The following PDGFD variants were observed in gnomAD, a reference collection of about 807,000 sequenced individuals.
PDGFD encodes the protein platelet derived growth factor D, also known as platelet-derived growth factor D.
In PDGFD, 30 loss-of-function variants were observed where a neutral mutation model predicts 44.7. That is an observed-to-expected ratio of 0.67 (90% CI 0.50 to 0.91). The LOEUF (loss-of-function observed/expected upper bound fraction) is 0.91, where lower values mean the gene tolerates loss of function less well. Ranked by LOEUF, PDGFD falls within the 40% of genes least tolerant of loss-of-function variation. The probability of loss-of-function intolerance (pLI) is 0.00; values close to 1 mark genes in which losing one functional copy is unlikely to be tolerated. For synonymous variants in PDGFD, 173 were observed against 168.4 expected, an observed-to-expected ratio of 1.03 and a Z score of -0.21; for missense variants, 445 against 457.8, an observed-to-expected ratio of 0.97 and a Z score of 0.25.
intron 1 of PDGFD, among the ~76,000 whole-genome samples, chr11:104,011,255 G>A (rs1859782262): frequency 6.6e-6 from 1 of 151,882 alleles, no homozygotes; most frequent in Admixed American, 6.6e-5. Flanking sequence ...CTGACTAAAG[G>A]GCTCACAAAT....
chr11:104,078,081 A>G (rs933920352), intron 1 of PDGFD, among the ~76,000 whole-genome samples: 5 of 152,020 alleles, frequency 3.3e-5, no homozygotes, highest in African/African-American at 1.2e-4. Context: ...GCCACTGTGC[A>G]CCTCAGACCT....
chr11:103,942,614 G>A (rs555936951), intron 5 of PDGFD, among the ~76,000 whole-genome samples: 5 of 151,798 alleles, frequency 3.3e-5, no homozygotes, highest in South Asian at 2.1e-4. Flanking sequence ...TTTATATCTC[G>A]AGCACATAAA....
intron 6 of PDGFD, among the ~76,000 whole-genome samples, chr11:103,920,072 C>G (rs1206370849): frequency 6.6e-6 from 1 of 152,116 alleles, no homozygotes; most frequent in Non-Finnish European, 1.5e-5. Flanking sequence ...GGCATTGTAA[C>G]AGAAGGACTG....
At chr11:104,070,664 A>AT (rs1249297798) in intron 1 of PDGFD, among the ~76,000 whole-genome samples, 1 of 151,756 alleles carries the variant, frequency 6.6e-6, no homozygotes, top group Non-Finnish European at 1.5e-5. Context: ...TTGCACCTTC[A>AT]TTTTTTTTAG....
At position 104,028,092 on chromosome 11, in the gene PDGFD, A is replaced by T. The variant is rs1205251044; in HGVS notation, c.125-27837T>A. Among the ~76,000 whole-genome samples, 3 of 150,614 alleles carry T rather than the reference A, an allele frequency of 2.0e-5. No homozygotes were observed. In the Admixed American group the frequency reaches 2.0e-4, roughly 10 times the overall value. On this transcript the variant is annotated intron_variant, in intron 1 of 6. Transcript: ENST00000393158. ...GTAGTCCCAGCTACTCTGGAGACTG[A>T]GGCAGGAGAATGGCGTGAACCTGGG...
intron 1 of PDGFD, among the ~76,000 whole-genome samples, chr11:104,060,942 A>G (rs1361555929): frequency 6.6e-6 from 1 of 152,164 alleles, no homozygotes; most frequent in African/African-American, 2.4e-5. Context: ...ATCATCACCA[A>G]CTATTTCTAA....
intron 1 of PDGFD, among the ~76,000 whole-genome samples, chr11:104,080,517 G>A (rs1416754943): frequency 1.3e-5 from 2 of 152,186 alleles, no homozygotes; most frequent in East Asian, 3.9e-4. Context: ...GGAGAGATTT[G>A]ACATTCGCTG....
intron 5 of PDGFD, among the ~76,000 whole-genome samples, chr11:103,932,306 C>G (rs920405803): frequency 2.8e-4 from 42 of 152,152 alleles, no homozygotes; most frequent in Non-Finnish European, 5.0e-4. Context: ...AGCTATTAAA[C>G]CTCTATTATA....
chr11:104,005,592 C>G (rs1337609980), intron 1 of PDGFD, among the ~76,000 whole-genome samples: 4 of 152,198 alleles, frequency 2.6e-5, no homozygotes, highest in African/African-American at 9.6e-5. Context: ...CCAATAACAG[C>G]TAACATTTCT....
rs1435270907 is a variant in PDGFD, at chr11:104,035,236, C to T, written c.125-34981G>A. ...CCTTCAAGGCAATGGCCCATCTACC[C>T]TATATCCCATTTTAGAGACCCTCTG... On this transcript the variant is annotated intron_variant, in intron 1 of 6. Transcript: ENST00000393158. Among the ~76,000 whole-genome samples, 3 of 152,202 alleles carry T rather than the reference C, an allele frequency of 2.0e-5. 1 individual carries two copies. Among genetic ancestry groups the T allele is most frequent in the Admixed American group, 1.3e-4 (2 of 15,290 alleles).
chr11:103,923,423 T>C lies in PDGFD; in HGVS notation c.987+3489A>G, dbSNP rs151053505. ...TCCAGTTTCCCAGATTTAAATTCCT[T>C]AAGGTTGAGCACTGAAATATTTGTG... On this transcript the variant is annotated intron_variant, in intron 6 of 6. Transcript: ENST00000393158. 1.4e-3 allele frequency among the ~76,000 whole-genome samples: 206 copies of C among 152,276 alleles called. 3 individuals carry two copies. Among genetic ancestry groups the C allele is most frequent in the African/African-American group, 4.9e-3 (203 of 41,554 alleles).
intron 1 of PDGFD, among the ~76,000 whole-genome samples, chr11:104,123,305 C>CT (rs1308897830): frequency 2.0e-5 from 3 of 151,718 alleles, no homozygotes; most frequent in Non-Finnish European, 2.9e-5. Context: ...TGTCATTTTT[C>CT]TTTTTTTTCT....
chr11:104,130,109 A>G (rs2119839724), intron 1 of PDGFD, among the ~76,000 whole-genome samples: 1 of 152,186 alleles, frequency 6.6e-6, no homozygotes, highest in South Asian at 2.1e-4. Flanking sequence ...AAGTGGAGAG[A>G]AAGAACTAAG....
At chr11:103,987,041 C>T (rs997745008) in intron 3 of PDGFD, among the ~76,000 whole-genome samples, 1 of 149,560 alleles carries the variant, frequency 6.7e-6, no homozygotes, top group Admixed American at 6.8e-5. Flanking sequence ...TCCATCCTGA[C>T]CAATCAGCAC....
chr11:104,111,473 G>C lies in PDGFD; in HGVS notation c.124+52331C>G, dbSNP rs146423319. 2.2e-3 allele frequency among the ~76,000 whole-genome samples: 332 copies of C among 151,920 alleles called. 1 individual carries two copies. Among genetic ancestry groups the C allele is most frequent in the Middle Eastern group, 6.8e-3 (2 of 294 alleles). On this transcript the variant is annotated intron_variant, in intron 1 of 6. Transcript: ENST00000393158. Reference sequence around the variant, plus strand: ...GGGTCCTGCCATGTTGCTCAGACTGGTCTTGAACTCCTAGGCTCAAGCAAT... The same window carrying C: ...GGGTCCTGCCATGTTGCTCAGACTGCTCTTGAACTCCTAGGCTCAAGCAAT...
intron 1 of PDGFD, among the ~76,000 whole-genome samples, chr11:104,115,993 G>T (rs1020336928): frequency 2.0e-5 from 3 of 151,966 alleles, no homozygotes; most frequent in Non-Finnish European, 2.9e-5. Context: ...TGGGTTGTCT[G>T]CTTGCTCTGC....
At chr11:104,106,730 C>T (rs946765527) in intron 1 of PDGFD, among the ~76,000 whole-genome samples, 2 of 151,084 alleles carry the variant, frequency 1.3e-5, no homozygotes, top group Admixed American at 6.6e-5. Flanking sequence ...CAGTGACCCA[C>T]GCCTTTGTAT....
chr11:103,912,401 A>AT (rs1346541561), intron 6 of PDGFD, among the ~76,000 whole-genome samples: 1 of 152,194 alleles, frequency 6.6e-6, no homozygotes, highest in Non-Finnish European at 1.5e-5. Flanking sequence ...TGAAGGAGAA[A>AT]TAAAATCCTC....
chr11:104,125,770 A>G (rs563253090), intron 1 of PDGFD, among the ~76,000 whole-genome samples: 2 of 152,246 alleles, frequency 1.3e-5, no homozygotes, highest in African/African-American at 4.8e-5. Context: ...AAAATATCAA[A>G]CTTCCTATAA....
Sources: gnomAD v4.1 joint callset for allele counts (sites outside exome capture counted in the v4.1 genomes callset) on GRCh38, gnomAD v4.1.1 for gene constraint, MANE v1.5 for transcripts, NCBI Gene and HGNC (gene_info 2026-07-23, HGNC 2026-07-21) for gene names.